Variants in DISC1 observed in about 807,000 individuals in gnomAD.
DISC1 encodes disrupted in schizophrenia 1 protein.
A neutral mutation model predicts 84.5 loss-of-function variants in DISC1; 57 were observed. The ratio of observed to expected loss-of-function variants is 0.67; its 90% CI spans 0.55 to 0.84. The LOEUF (loss-of-function observed/expected upper bound fraction) is 0.84, where lower values mean the gene tolerates loss of function less well. Ranked by LOEUF, DISC1 falls within the 40% of genes least tolerant of loss-of-function variation. The pLI is 0.00. For missense variants in DISC1, 1,000 were observed against 1,057.8 expected (o/e 0.95, Z 0.76); for synonymous variants, 411 against 415.2 (o/e 0.99, Z 0.12).
Position 232,031,334 on chromosome 1 carries a change from A to AAGGAAG in DISC1, c.2425+4787_2425+4788insGAGGAA, listed in dbSNP as rs1670025362. Among the ~76,000 whole-genome samples the AAGGAAG allele has an allele frequency of 6.6e-6, 1 of 150,808 alleles. No individual in the cohort carries two copies. The highest frequency in any genetic ancestry group is 6.6e-5 in the Admixed American group (1 of 15,126). ...AGGGAAGGAGAGAAAAGGAAAGGAAAAGGAAAAGAGGAAAGAAAAGGAAAG... is the reference window on the plus strand; with the variant it reads ...AGGGAAGGAGAGAAAAGGAAAGGAAAAGGAAGAGGAAAAGAGGAAAGAAAAGGAAAG... On this transcript the variant is annotated intron_variant, in intron 12 of 12. Transcript: ENST00000439617. The surrounding 1 kb of genome is among the most constrained non-coding windows in gnomAD (Gnocchi z 4.6).
intron 3 of DISC1, among the ~76,000 whole-genome samples, chr1:231,715,077 C>G (rs1363999526): frequency 6.6e-6 from 1 of 152,112 alleles, no homozygotes; most frequent in Non-Finnish European, 1.5e-5. Flanking sequence ...AGTATGAAAA[C>G]CTTCAGGAAA....
intron 9 of DISC1, among the ~76,000 whole-genome samples, chr1:231,839,301 C>T (rs775348181): frequency 7.2e-5 from 11 of 152,078 alleles, no homozygotes; most frequent in Non-Finnish European, 8.8e-5. Flanking sequence ...TTTCCTCCCA[C>T]GTAAAGTAGA....
At chr1:231,915,218 A>G (rs1307994215) in intron 9 of DISC1, among the ~76,000 whole-genome samples, 1 of 152,192 alleles carries the variant, frequency 6.6e-6, no homozygotes, top group Non-Finnish European at 1.5e-5. Context: ...TAGGCAGTCC[A>G]GGATTGGCTT....
intron 10 of DISC1, among the ~76,000 whole-genome samples, chr1:231,968,915 A>C (rs993592904): frequency 2.0e-5 from 3 of 152,194 alleles, no homozygotes; most frequent in African/African-American, 7.2e-5. Context: ...TGTCATAACA[A>C]TGGGATAACA....
chr1:232,037,031 A>G lies in DISC1; in HGVS notation c.*200A>G, dbSNP rs1413140097. ...TGCAATTTGGAATATGGAGAGAGAG[A>G]CTGATTTGCTGAATTTCCTTCTAAA... On this transcript the variant is annotated 3_prime_UTR_variant, in exon 13 of 13. Transcript: ENST00000439617. 4.3e-6 allele frequency: 2 copies of G among 462,080 alleles called. No individual in the cohort carries two copies. Among genetic ancestry groups the G allele is most frequent in the Non-Finnish European group, 7.1e-6 (2 of 281,586 alleles). 28.6% of individuals were successfully genotyped at this position (462,080 alleles called of 1,614,324 possible).
intron 8 of DISC1, among the ~76,000 whole-genome samples, chr1:231,809,421 G>T (rs777588677): frequency 6.7e-5 from 10 of 148,570 alleles, no homozygotes; most frequent in Non-Finnish European, 1.5e-4. Context: ...TATCTCACCT[G>T]CCCCCTTGTT....
rs1249482843 is a variant in DISC1, at chr1:231,871,063, C to A, written c.1981+52546C>A. Among the ~76,000 whole-genome samples, 4 of 152,086 alleles carry A rather than the reference C, an allele frequency of 2.6e-5. No homozygotes were observed. In the East Asian group the frequency reaches 7.7e-4, roughly 29 times the overall value. On this transcript the variant is annotated intron_variant, in intron 9 of 12. Coordinates refer to ENST00000439617, the MANE Select transcript of DISC1 (RefSeq NM_018662.3). ...GGGGCTGGACCTGTGTGGAATAGGG[C>A]AGATACTGTGTGCGGGTCTCCACTT... is the stretch of plus-strand genomic sequence containing the variant.
chr1:231,905,804 T>C (rs921123191), intron 9 of DISC1, among the ~76,000 whole-genome samples: 2 of 152,022 alleles, frequency 1.3e-5, no homozygotes, highest in Non-Finnish European at 2.9e-5. Flanking sequence ...ATGGTAGTAG[T>C]CTATCATTAT....
At chr1:232,011,413 G>T (rs1490516327) in intron 11 of DISC1, among the ~76,000 whole-genome samples, 2 of 152,106 alleles carry the variant, frequency 1.3e-5, no homozygotes, top group Non-Finnish European at 1.5e-5. Flanking sequence ...TGCTTTAGAG[G>T]GGACCTTACA....
intron 10 of DISC1, among the ~76,000 whole-genome samples, chr1:231,968,640 C>T (rs1661454777): frequency 6.6e-6 from 1 of 150,910 alleles, no homozygotes; most frequent in South Asian, 2.1e-4. Context: ...CCCTCTCACA[C>T]ACACACAAAA....
At chr1:231,998,714 CAAG>C (rs891165363) in intron 10 of DISC1, among the ~76,000 whole-genome samples, 102 of 152,198 alleles carry the variant, frequency 6.7e-4, no homozygotes, top group African/African-American at 2.4e-3. Flanking sequence ...GGAAGTATTT[CAAG>C]AAGATGAAAA....
intron 3 of DISC1, among the ~76,000 whole-genome samples, chr1:231,704,811 G>A (rs1209679935): frequency 6.6e-6 from 1 of 150,904 alleles, no homozygotes; most frequent in East Asian, 2.0e-4. Context: ...GTAGGACTGG[G>A]GTGGGGTGGG....
intron 9 of DISC1, chr1:231,855,480 T>C: frequency 1.0e-6 from 1 of 954,290 alleles, no homozygotes; most frequent in Non-Finnish European, 1.2e-6. Context: ...ATAACAATCC[T>C]CCTTCCCAAA....
chr1:231,674,796 A>C (rs2062979636), intron 1 of DISC1, among the ~76,000 whole-genome samples: 1 of 152,228 alleles, frequency 6.6e-6, no homozygotes, highest in Admixed American at 6.5e-5. Context: ...CCAATATGAC[A>C]ACACAGCCTG....
chr1:231,720,118 A>G (rs913354830), intron 3 of DISC1, among the ~76,000 whole-genome samples: 2 of 152,186 alleles, frequency 1.3e-5, no homozygotes. Context: ...AGGGTGCCTT[A>G]GGGATGACTA....
At chr1:231,808,448 C>G (rs986078949) in intron 8 of DISC1, among the ~76,000 whole-genome samples, 4 of 152,214 alleles carry the variant, frequency 2.6e-5, no homozygotes, top group African/African-American at 9.6e-5. Context: ...TCTCCCCTGG[C>G]CTTCCCCTTG....
intron 1 of DISC1, among the ~76,000 whole-genome samples, chr1:231,678,186 A>G (rs1394965277): frequency 6.6e-6 from 1 of 152,202 alleles, no homozygotes; most frequent in Admixed American, 6.5e-5. Flanking sequence ...AAAAATGGAC[A>G]TCTAATACAT....
At chr1:231,932,321 C>G (rs535663522) in intron 9 of DISC1, among the ~76,000 whole-genome samples, 1 of 152,032 alleles carries the variant, frequency 6.6e-6, no homozygotes, top group Admixed American at 6.5e-5. Context: ...AGTTTAAGAC[C>G]AATATTTGTC....
intron 9 of DISC1, among the ~76,000 whole-genome samples, chr1:231,898,346 A>G (rs1200142432): frequency 3.9e-5 from 6 of 152,208 alleles, no homozygotes; most frequent in African/African-American, 7.2e-5. Context: ...GGGGTGGGCC[A>G]GTTCTGGAGT....
Sources: allele counts gnomAD v4.1 joint callset (sites outside exome capture counted in the v4.1 genomes callset), GRCh38; gene constraint gnomAD v4.1.1; non-coding constraint Gnocchi (gnomAD v3.1); transcripts MANE v1.5; gene names NCBI Gene and HGNC (gene_info 2026-07-23, HGNC 2026-07-21).